The following PRSS16 variants were observed in gnomAD, a reference collection of about 807,000 sequenced individuals.
The protein encoded by PRSS16 is thymus-specific serine protease.
PRSS16 carries 43 observed loss-of-function variants against 61.7 expected under a neutral mutation model. The observed-to-expected ratio is 0.70, with a 90% CI of 0.55 to 0.90. PRSS16 has a LOEUF of 0.90. Among genes scored for constraint, PRSS16 ranks in the 40% least tolerant of loss-of-function variants. The pLI is 0.00. For synonymous variants in PRSS16, 273 were observed against 285.2 expected, an observed-to-expected ratio of 0.96 and a Z score of 0.43; for missense variants, 591 against 659.1, an observed-to-expected ratio of 0.90 and a Z score of 1.13.
chr6:27,252,831 G>C lies in PRSS16; in HGVS notation c.1032G>C (p.Gln344His). 1 of 1,614,158 alleles carries C rather than the reference G, an allele frequency of 6.2e-7. No individual in the cohort carries two copies. Among genetic ancestry groups the C allele is most frequent in the Non-Finnish European group, 8.5e-7 (1 of 1,180,044 alleles). The part of the protein sequence containing the change: ...AVQIVLHSLG[Q>H]KCLSFSRAET... ...AGATTGTCTTGCACAGCCTGGGCCA[G>C]AAGTGTTTAAGCTTTTCCCGAGCAG... Residue 344 changes from glutamine to histidine, a missense_variant, in exon 9 of 12, where the codon CAG becomes CAC. By Grantham distance (24) the Gln-to-His change is conservative. Coordinates refer to ENST00000230582, the MANE Select transcript of PRSS16 (RefSeq NM_005865.4). This position sits in a 1 kb window ranked among gnomAD's most constrained non-coding sequence, Gnocchi z 4.2.
In PRSS16 at chr6:27,251,831, A is replaced by ACGGAGCTGAGCGCTTGCGGG; in HGVS notation, c.801_820dup (p.Pro274ArgfsTer3). ...TGGGGCGGCTCAAGCAGCATTGCGG[A>ACGGAGCTGAGCGCTTGCGGG]CGGAGCTGAGCGCTTGCGGGCCCCT... On this transcript the variant is annotated frameshift_variant, in exon 8 of 12. Coordinates refer to ENST00000230582, the MANE Select transcript of PRSS16 (RefSeq NM_005865.4). LOFTEE classifies it high-confidence loss of function. The surrounding 1 kb of genome is among the most constrained non-coding windows in gnomAD (Gnocchi z 5.6). 1.9e-6 allele frequency: 3 copies of ACGGAGCTGAGCGCTTGCGGG among 1,612,040 alleles called. No individual in the cohort carries two copies. The highest frequency in any genetic ancestry group is 2.5e-6 in the Non-Finnish European group (3 of 1,179,594).
chr6:27,255,279 G>C lies in PRSS16; in HGVS notation c.1509G>C (p.Lys503Asn), dbSNP rs545463423. The C allele has an allele frequency of 6.2e-7, 1 of 1,608,102 alleles. No individual in the cohort carries two copies. The highest frequency in any genetic ancestry group is 1.1e-5 in the South Asian group (1 of 90,822). ...NIFQQLQTWL[K>N]LAKESQIKGE... is the part of the protein sequence containing the mutation. Reference sequence around the variant, plus strand: ...TCCAGCAGCTACAGACCTGGCTCAAGCTGGCAAAGGAGAGCCAGATTAAGG... The same window carrying C: ...TCCAGCAGCTACAGACCTGGCTCAACCTGGCAAAGGAGAGCCAGATTAAGG... The change falls in exon 12 of 12, where the codon AAG becomes AAC. Residue 503 changes from lysine to asparagine, a missense_variant. Transcript: ENST00000230582. This position sits in a 1 kb window ranked among gnomAD's most constrained non-coding sequence, Gnocchi z 4.4.
chr6:27,252,707 C>G lies in PRSS16; in HGVS notation c.1009-101C>G, dbSNP rs1248798534. On this transcript the variant is annotated intron_variant, in intron 8 of 11. Coordinates refer to ENST00000230582, the MANE Select transcript of PRSS16 (RefSeq NM_005865.4). The surrounding 1 kb of genome is among the most constrained non-coding windows in gnomAD (Gnocchi z 4.2). ...CAGGAGAACTCAGGAACTCACCCTTCTATTTCTGACTTTTGACCTCTGGGG... is the reference window on the plus strand; with the variant it reads ...CAGGAGAACTCAGGAACTCACCCTTGTATTTCTGACTTTTGACCTCTGGGG... 6.0e-6 allele frequency: 8 copies of G among 1,338,616 alleles called. No homozygotes were observed. The highest frequency in any genetic ancestry group is 8.3e-6 in the Non-Finnish European group (8 of 960,508). 82.9% of individuals were successfully genotyped at this position (1,338,616 alleles called of 1,614,324 possible).
intron 9 of PRSS16, chr6:27,254,335 C>T (rs1224459088): frequency 1.0e-5 from 2 of 191,570 alleles, no homozygotes; most frequent in East Asian, 1.4e-4. Context: ...ATTTGAGCTC[C>T]GAGCATTCCA....
In PRSS16 at chr6:27,252,084, A is replaced by G; in HGVS notation, c.1008+44A>G. On this transcript the variant is annotated intron_variant, in intron 8 of 11. Coordinates refer to ENST00000230582, the MANE Select transcript of PRSS16 (RefSeq NM_005865.4). The surrounding 1 kb of genome is among the most constrained non-coding windows in gnomAD (Gnocchi z 4.2). ...AGCTGGGAGGAGTTAGCGGACAAAG[A>G]TTCCTGCCCCACTTCCGTTGTGTGA... 1 of 1,445,408 alleles carries G rather than the reference A, an allele frequency of 6.9e-7. No homozygotes were observed. The highest frequency in any genetic ancestry group is 9.1e-7 in the Non-Finnish European group (1 of 1,104,512). The allele number at this position is 1,445,408 out of a possible 1,614,324, so 89.5% of individuals were successfully genotyped here.
chr6:27,255,003 C>T lies in PRSS16; in HGVS notation c.1348C>T (p.His450Tyr), dbSNP rs1243108842. The T allele has an allele frequency of 6.2e-7, 1 of 1,612,860 alleles. No individual in the cohort carries two copies. The highest frequency in any genetic ancestry group is 1.3e-5 in the African/African-American group (1 of 74,898). Residue 450 changes from histidine to tyrosine, a missense_variant, in exon 11 of 12, where the codon CAT becomes TAT. By Grantham distance (83) the His-to-Tyr change is moderately conservative. Coordinates refer to ENST00000230582, the MANE Select transcript of PRSS16 (RefSeq NM_005865.4). The surrounding 1 kb of genome is among the most constrained non-coding windows in gnomAD (Gnocchi z 4.4). ...LFVNGDTDPW[H>Y]VLSVTQALGS... ...CTTTCCAGGGGACACAGACCCCTGG[C>T]ATGTGCTAAGTGTAACACAGGCTTT...
In PRSS16 at chr6:27,247,756, C is replaced by A; in HGVS notation, c.19C>A (p.Gln7Lys). The change falls in exon 1 of 12, where the codon CAG becomes AAG. Residue 7 changes from glutamine (Q) to lysine (K), a missense_variant. By Grantham distance (53) the Gln-to-Lys change is moderately conservative (BLOSUM62 1). Coordinates refer to ENST00000230582, the MANE Select transcript of PRSS16 (RefSeq NM_005865.4). MAVWLA[Q>K]WLGPLLLVSL... ...GAACACCATGGCCGTCTGGCTTGCC[C>A]AGTGGCTGGGCCCTCTGCTCTTGGT... is the stretch of plus-strand genomic sequence containing the variant. The A allele has an allele frequency of 6.3e-7, 1 of 1,586,008 alleles. No homozygotes were observed. Among genetic ancestry groups the A allele is most frequent in the East Asian group, 2.3e-5 (1 of 43,260 alleles).
rs755637499 is a variant in PRSS16 at position 27,251,152 on chromosome 6, G to A, written c.669+33G>A. 8.1e-6 allele frequency: 13 copies of A among 1,614,050 alleles called. No individual in the cohort carries two copies. The highest frequency in any genetic ancestry group is 9.3e-6 in the Non-Finnish European group (11 of 1,180,020). The stretch of plus-strand genomic sequence containing the variant: ...TGGCGGGCAGCAGGTGCGGGACGGG[G>A]AGGGGTCCCAGCGGGCGGAGTCCCT... On this transcript the variant is annotated intron_variant, in intron 6 of 11. Transcript: ENST00000230582. This position sits in a 1 kb window ranked among gnomAD's most constrained non-coding sequence, Gnocchi z 5.6.
rs1759925020 is a variant in PRSS16, at chr6:27,252,037, G to A, written c.1005G>A (p.Val335=). 6.6e-7 allele frequency: 1 copy of A among 1,523,556 alleles called. No homozygotes were observed. Among genetic ancestry groups the A allele is most frequent in the African/African-American group, 1.4e-5 (1 of 72,072 alleles). The allele number at this position is 1,523,556 out of a possible 1,614,324, so 94.4% of individuals were successfully genotyped here. The change falls in exon 8 of 12, where the codon GTG becomes GTA. Residue 335 remains valine (V), a synonymous_variant. Transcript: ENST00000230582. The surrounding 1 kb of genome is among the most constrained non-coding windows in gnomAD (Gnocchi z 4.2). ...STPYCGLRRA[V]QIVLHSLGQK... is the part of the protein sequence containing the mutation. ...CCTACTGCGGGCTTCGTCGGGCGGTGCAGGTGAGCACTCCCTGGCACAGCT... is the reference window on the plus strand; with the variant it reads ...CCTACTGCGGGCTTCGTCGGGCGGTACAGGTGAGCACTCCCTGGCACAGCT...
rs145057645 is a variant in PRSS16 at position 27,251,752 on chromosome 6, C to T, written c.720C>T (p.Cys240=). 30 of 1,600,828 alleles carry T rather than the reference C, an allele frequency of 1.9e-5. No homozygotes were observed. The African/African-American group carries it at 3.9e-4, about 21-fold the overall frequency. ...ACATCGCCTCTTGCTTCCCACAGTG[C>T]CGGGCGGCGGTGTCCGTCGCCTTCG... ...MSTAIGGSLE[C]RAAVSVAFAE... is the part of the protein sequence containing the mutation. The change falls in exon 8 of 12, where the codon TGC becomes TGT. Residue 240 remains cysteine, a splice_region_variant and synonymous_variant. Coordinates refer to ENST00000230582, the MANE Select transcript of PRSS16 (RefSeq NM_005865.4). This position sits in a 1 kb window ranked among gnomAD's most constrained non-coding sequence, Gnocchi z 5.6.
Position 27,251,559 on chromosome 6 carries a change from G to C in PRSS16, c.718-191G>C. On this transcript the variant is annotated intron_variant, in intron 7 of 11. Transcript: ENST00000230582. The surrounding 1 kb of genome is among the most constrained non-coding windows in gnomAD (Gnocchi z 5.6). ...AGGACGGGGCCTGCAGGGAAGACCCGAGAAGGAGGGCTGCGAGGCAGGGGA... is the reference window on the plus strand; with the variant it reads ...AGGACGGGGCCTGCAGGGAAGACCCCAGAAGGAGGGCTGCGAGGCAGGGGA... The C allele has an allele frequency of 1.4e-6, 1 of 730,392 alleles. No homozygotes were observed. Among genetic ancestry groups the C allele is most frequent in the East Asian group, 3.0e-5 (1 of 33,512 alleles). The allele number at this position is 730,392 out of a possible 1,614,324, so 45.2% of individuals were successfully genotyped here. A position where few individuals can be genotyped will look rare whatever the true frequency, so the allele number is the denominator to read the frequency against.
chr6:27,255,198 TCTG>T lies in PRSS16; in HGVS notation c.1477-45_1477-43del. 6 of 1,613,690 alleles carry T rather than the reference TCTG, an allele frequency of 3.7e-6. No individual in the cohort carries two copies. Among genetic ancestry groups the T allele is most frequent in the Non-Finnish European group, 5.1e-6 (6 of 1,179,592 alleles). ...AATAATCACTTGCATGTTCCCTCCT[TCTG>T]CTGGTGCTGAAATCTGACTTTCAAA... On this transcript the variant is annotated intron_variant, in intron 11 of 11. Coordinates refer to ENST00000230582, the MANE Select transcript of PRSS16 (RefSeq NM_005865.4). The surrounding 1 kb of genome is among the most constrained non-coding windows in gnomAD (Gnocchi z 4.4).
In PRSS16 at chr6:27,251,901, C is replaced by T. The variant is rs762837610; in HGVS notation, c.869C>T (p.Ala290Val). 1.1e-5 allele frequency: 18 copies of T among 1,613,198 alleles called. No homozygotes were observed. The Admixed American group carries it at 3.0e-4, about 27-fold the overall frequency. ...GCGGAGCTGTTGGGGGCGCTGCAGG[C>T]ACTGGTGGGAGGTGTAGTGCAGTAT... ...NQAELLGALQ[A>V]LVGGVVQYDG... Residue 290 changes from alanine to valine, a missense_variant, in exon 8 of 12, where the codon GCA (alanine) becomes GTA (valine). Coordinates refer to ENST00000230582, the MANE Select transcript of PRSS16 (RefSeq NM_005865.4). This position sits in a 1 kb window ranked among gnomAD's most constrained non-coding sequence, Gnocchi z 5.6.
At position 27,252,412 on chromosome 6, in the gene PRSS16, C is replaced by T. The variant is rs1269843626; in HGVS notation, c.1008+372C>T. Reference sequence around the variant, plus strand: ...ATAGGGTTCTCCTAGGTACCTGGGACTGCAGCCTCTAAATCCACAACTGCA... The same window carrying T: ...ATAGGGTTCTCCTAGGTACCTGGGATTGCAGCCTCTAAATCCACAACTGCA... On this transcript the variant is annotated intron_variant, in intron 8 of 11. Transcript: ENST00000230582. The surrounding 1 kb of genome is among the most constrained non-coding windows in gnomAD (Gnocchi z 4.2). The T allele has an allele frequency of 1.6e-5, 6 of 372,894 alleles. No individual in the cohort carries two copies. 23.1% of individuals were successfully genotyped at this position (372,894 alleles called of 1,614,324 possible).
chr6:27,251,264 G>A lies in PRSS16; in HGVS notation c.717G>A (p.Glu239=). The A allele has an allele frequency of 6.2e-7, 1 of 1,604,222 alleles. No homozygotes were observed. The highest frequency in any genetic ancestry group is 8.5e-7 in the Non-Finnish European group (1 of 1,175,118). ...LMSTAIGGSL[E]CRAAVSVAFA... is the part of the protein sequence containing the mutation. ...GCACCGCGATCGGCGGGTCCCTGGAGGTAGGAGGTGGGGCCTAGTCCGAGG... is the reference window on the plus strand; with the variant it reads ...GCACCGCGATCGGCGGGTCCCTGGAAGTAGGAGGTGGGGCCTAGTCCGAGG... The change falls in exon 7 of 12, where the codon GAG becomes GAA. Residue 239 remains glutamate, a splice_region_variant and synonymous_variant. Transcript: ENST00000230582. This position sits in a 1 kb window ranked among gnomAD's most constrained non-coding sequence, Gnocchi z 5.6.
Position 27,251,736 on chromosome 6 carries a change from C to G in PRSS16, c.718-14C>G. ...GCCTAAGTCTTGGCGGACATCGCCT[C>G]TTGCTTCCCACAGTGCCGGGCGGCG... On this transcript the variant is annotated splice_polypyrimidine_tract_variant and intron_variant, in intron 7 of 11. Transcript: ENST00000230582. This position sits in a 1 kb window ranked among gnomAD's most constrained non-coding sequence, Gnocchi z 5.6. 1 of 1,585,006 alleles carries G rather than the reference C, an allele frequency of 6.3e-7. No homozygotes were observed. Among genetic ancestry groups the G allele is most frequent in the South Asian group, 1.1e-5 (1 of 88,484 alleles).
Position 27,251,017 on chromosome 6 carries a change from A to T in PRSS16, c.592-25A>T. The T allele has an allele frequency of 6.2e-7, 1 of 1,611,116 alleles. No individual in the cohort carries two copies. The highest frequency in any genetic ancestry group is 8.5e-7 in the Non-Finnish European group (1 of 1,178,250). On this transcript the variant is annotated intron_variant, in intron 5 of 11. Transcript: ENST00000230582. This position sits in a 1 kb window ranked among gnomAD's most constrained non-coding sequence, Gnocchi z 5.6. ...ATGCGATTCCAACCCCTCAGCCCGC[A>T]GGCTGACGGCGTCTCCTCCCTTAGT...
chr6:27,251,873 C>T lies in PRSS16; in HGVS notation c.841C>T (p.Gln281Ter), dbSNP rs535432979. ...ACGPLGRAEN[Q>*]AELLGALQAL... ...CGGGCCCCTGGGCCGCGCTGAAAAC[C>T]AGGCGGAGCTGTTGGGGGCGCTGCA... The change falls in exon 8 of 12, where the codon CAG becomes TAG. Residue 281 changes from glutamine to a stop codon, truncating the protein, a stop_gained. Coordinates refer to ENST00000230582, the MANE Select transcript of PRSS16 (RefSeq NM_005865.4). LOFTEE classifies it high-confidence loss of function. The surrounding 1 kb of genome is among the most constrained non-coding windows in gnomAD (Gnocchi z 5.6). The T allele has an allele frequency of 1.1e-5, 18 of 1,613,374 alleles. 1 individual carries two copies. The Admixed American group carries it at 1.5e-4, about 13-fold the overall frequency.
At chr6:27,249,469 A>C (rs1318720818) in intron 4 of PRSS16, among the ~76,000 whole-genome samples, 3 of 151,986 alleles carry the variant, frequency 2.0e-5, no homozygotes, top group Non-Finnish European at 2.9e-5. Flanking sequence ...TCTCTGTCTG[A>C]AGTAAGCCAC....
Sources: gnomAD v4.1 joint callset for allele counts (sites outside exome capture counted in the v4.1 genomes callset) on GRCh38, gnomAD v4.1.1 for gene constraint, Gnocchi (gnomAD v3.1) non-coding constraint, MANE v1.5 for transcripts, NCBI Gene and HGNC (gene_info 2026-07-23, HGNC 2026-07-21) for gene names.